The following PTPRN2 variants were observed in gnomAD, a reference collection of about 807,000 sequenced individuals.
PTPRN2 encodes protein tyrosine phosphatase receptor type N2, also known as receptor-type tyrosine-protein phosphatase N2.
In PTPRN2, 74 loss-of-function variants were observed where a neutral mutation model predicts 118.8. The ratio of observed to expected loss-of-function variants is 0.62; its 90% CI spans 0.52 to 0.76. The LOEUF is 0.76. Ranked by LOEUF, PTPRN2 falls within the 30% of genes least tolerant of loss-of-function variation. PTPRN2 has a pLI of 0.00. For synonymous variants in PTPRN2, 641 were observed against 608.0 expected (o/e 1.05, Z -0.80); for missense variants, 1,481 against 1,394.4 (o/e 1.06, Z -0.99).
At position 157,785,937 on chromosome 7, in the gene PTPRN2, G is replaced by A. The variant is rs1223424045; in HGVS notation, c.1789-103000C>T. On this transcript the variant is annotated intron_variant, in intron 12 of 22. Transcript: ENST00000389418. The surrounding 1 kb of genome is among the most constrained non-coding windows in gnomAD (Gnocchi z 7.3). ...CTCACCTGGGTAGCAGGGTGGGAGG[G>A]CCGGGTGGGGATGGCTGCAGGGACC... Among the ~76,000 whole-genome samples, 1 of 152,132 alleles carries A rather than the reference G, an allele frequency of 6.6e-6. No individual in the cohort carries two copies. Among genetic ancestry groups the A allele is most frequent in the African/African-American group, 2.4e-5 (1 of 41,438 alleles).
chr7:157,558,680 C>T (rs530499495), intron 21 of PTPRN2, among the ~76,000 whole-genome samples: 1 of 152,370 alleles, frequency 6.6e-6, no homozygotes, highest in South Asian at 2.1e-4. Flanking sequence ...GCTCCCCTCC[C>T]AGGCCGCACT....
At chr7:158,556,984 C>T (rs148129781) in intron 1 of PTPRN2, among the ~76,000 whole-genome samples, 3 of 143,060 alleles carry the variant, frequency 2.1e-5, no homozygotes, top group Non-Finnish European at 3.0e-5. Context: ...ACAGGTCAGG[C>T]GGCTCCCACG....
chr7:158,451,585 T>A (rs1374583765), intron 2 of PTPRN2, among the ~76,000 whole-genome samples: 1 of 152,206 alleles, frequency 6.6e-6, no homozygotes. Flanking sequence ...CCTTTTTTAT[T>A]TCAAAATGTC....
At chr7:158,516,531 G>C (rs560415111) in intron 1 of PTPRN2, among the ~76,000 whole-genome samples, 1 of 151,894 alleles carries the variant, frequency 6.6e-6, no homozygotes, top group South Asian at 2.1e-4. Context: ...TCTTGGTGCT[G>C]TTCTTGGTGC....
chr7:157,595,606 CGGAGGTTAGGAAGCCA>C (rs1563245659), intron 16 of PTPRN2, among the ~76,000 whole-genome samples: 2 of 115,080 alleles, frequency 1.7e-5, no homozygotes, highest in East Asian at 3.8e-4. Context: ...TTAGGAAGCC[CGGAGGTTAGGAAGCCA>C]GGAGGTTAGG....
At chr7:158,168,793 C>T (rs1179434032) in intron 5 of PTPRN2, among the ~76,000 whole-genome samples, 3 of 152,176 alleles carry the variant, frequency 2.0e-5, no homozygotes, top group African/African-American at 7.2e-5. Flanking sequence ...CACTTTGTGT[C>T]ACTAGATAAA....
At chr7:158,484,283 C>G (rs1181493539) in intron 2 of PTPRN2, among the ~76,000 whole-genome samples, 1 of 152,198 alleles carries the variant, frequency 6.6e-6, no homozygotes, top group Admixed American at 6.5e-5. Context: ...GCCCCCAACA[C>G]TTTCCCCAGC....
intron 10 of PTPRN2, among the ~76,000 whole-genome samples, chr7:158,097,061 C>G (rs1023228948): frequency 6.6e-6 from 1 of 152,198 alleles, no homozygotes; most frequent in Non-Finnish European, 1.5e-5. Flanking sequence ...ACCATTCTCA[C>G]CCCTCACAGG....
intron 1 of PTPRN2, among the ~76,000 whole-genome samples, chr7:158,554,370 T>C (rs371299672): frequency 1.3e-4 from 20 of 152,230 alleles, no homozygotes; most frequent in African/African-American, 4.6e-4. Context: ...GTTGGTTGTT[T>C]AGGGCACTGA....
chr7:158,303,340 T>C (rs1218076568), intron 3 of PTPRN2, among the ~76,000 whole-genome samples: 2 of 152,206 alleles, frequency 1.3e-5, no homozygotes, highest in Non-Finnish European at 2.9e-5. Flanking sequence ...GTAATCCCTC[T>C]GTGATTCCGT....
chr7:158,147,790 C>G (rs200652430), intron 6 of PTPRN2, among the ~76,000 whole-genome samples: 2 of 70,276 alleles, frequency 2.8e-5, no homozygotes, highest in Non-Finnish European at 2.6e-5. Context: ...TTCCCCCTCA[C>G]TGACACCCCA....
chr7:158,407,109 GGTCCTGC>G (rs1192079157), intron 2 of PTPRN2, among the ~76,000 whole-genome samples: 7 of 151,366 alleles, frequency 4.6e-5, no homozygotes, highest in Admixed American at 3.3e-4. Context: ...CCCAGCCCTG[GGTCCTGC>G]GTCCTGGGTC....
intron 12 of PTPRN2, among the ~76,000 whole-genome samples, chr7:157,839,663 G>A (rs1178474450): frequency 1.3e-5 from 2 of 151,770 alleles, no homozygotes; most frequent in Non-Finnish European, 2.9e-5. Context: ...TAGTGTGTGT[G>A]ACTGTGTAGC....
chr7:158,124,501 C>T (rs761486927), intron 9 of PTPRN2, among the ~76,000 whole-genome samples: 1 of 152,234 alleles, frequency 6.6e-6, no homozygotes. Flanking sequence ...AGAGAAATAG[C>T]CAAATGTGTG....
Position 157,550,149 on chromosome 7 carries a change from TC to T in PTPRN2, c.2903-1131del, listed in dbSNP as rs1393891261. On this transcript the variant is annotated intron_variant, in intron 21 of 22. Transcript: ENST00000389418. This position sits in a 1 kb window ranked among gnomAD's most constrained non-coding sequence, Gnocchi z 5.2. The stretch of plus-strand genomic sequence containing the variant: ...CACACCACATTCCTCGCCCAGCGAA[TC>T]AGGAGAGAAGCTTTAAAATTCCCGA... Among the ~76,000 whole-genome samples the T allele has an allele frequency of 6.6e-6, 1 of 152,212 alleles. No homozygotes were observed. Among genetic ancestry groups the T allele is most frequent in the Non-Finnish European group, 1.5e-5 (1 of 68,034 alleles).
chr7:158,149,240 A>G (rs941760590), intron 6 of PTPRN2, among the ~76,000 whole-genome samples: 21 of 151,842 alleles, frequency 1.4e-4, no homozygotes, highest in African/African-American at 4.8e-4. Flanking sequence ...GCTGGCACCA[A>G]TTATAGTACA....
intron 9 of PTPRN2, among the ~76,000 whole-genome samples, chr7:158,114,215 G>T (rs981375350): frequency 2.6e-5 from 4 of 152,160 alleles, no homozygotes; most frequent in Admixed American, 1.3e-4. Context: ...ACCTGAGTGG[G>T]CCAAGGACTC....
intron 22 of PTPRN2, 102 bp downstream of exon 22, chr7:157,548,844 C>T (rs542377272): frequency 2.0e-5 from 23 of 1,146,892 alleles, no homozygotes; most frequent in East Asian, 7.2e-5. Context: ...AATCGGTGTG[C>T]GGCTCACATT....
intron 11 of PTPRN2, among the ~76,000 whole-genome samples, chr7:157,925,943 A>T (rs1338359843): frequency 6.6e-6 from 1 of 152,242 alleles, no homozygotes; most frequent in East Asian, 1.9e-4. Flanking sequence ...AGAGATAAGG[A>T]AACTAGTTCC....
Sources: gnomAD v4.1 joint callset for allele counts (sites outside exome capture counted in the v4.1 genomes callset) on GRCh38, gnomAD v4.1.1 for gene constraint, Gnocchi (gnomAD v3.1) non-coding constraint, MANE v1.5 for transcripts, NCBI Gene and HGNC (gene_info 2026-07-23, HGNC 2026-07-21) for gene names.